PTPRD: variants seen among roughly 807,000 people sequenced by gnomAD.
The protein encoded by PTPRD is receptor-type tyrosine-protein phosphatase delta.
Under a neutral mutation model 214.5 loss-of-function variants are expected in PTPRD, and 34 were observed. The observed-to-expected ratio is 0.16, with a 90% CI of 0.12 to 0.21. The LOEUF is 0.21. PTPRD is among the 10% of genes least tolerant of loss of function. The probability of loss-of-function intolerance (pLI) is 1.00; values close to 1 mark genes in which losing one functional copy is unlikely to be tolerated. For missense variants in PTPRD, 2,545 were observed against 2,398.7 expected (o/e 1.06, Z -1.27); for synonymous variants, 1,128 against 845.7 (o/e 1.33, Z -5.79).
At chr9:10,249,960 T>C (rs1180703935) in intron 3 of PTPRD, among the ~76,000 whole-genome samples, 1 of 152,180 alleles carries the variant, frequency 6.6e-6, no homozygotes, top group Admixed American at 6.6e-5. Context: ...CATCTGCCAA[T>C]TAATAAAAAT....
chr9:9,946,211 A>T (rs77294670), intron 4 of PTPRD, among the ~76,000 whole-genome samples: 1 of 152,144 alleles, frequency 6.6e-6, no homozygotes, highest in Non-Finnish European at 1.5e-5. Flanking sequence ...CTTAAACACA[A>T]GCAATTATAC....
At chr9:8,675,336 T>A (rs954277009) in intron 12 of PTPRD, among the ~76,000 whole-genome samples, 1 of 152,026 alleles carries the variant, frequency 6.6e-6, no homozygotes, top group Non-Finnish European at 1.5e-5. Context: ...TTATCACATA[T>A]CCTGCAGAGT....
At chr9:9,825,301 AG>A (rs2052354622) in intron 5 of PTPRD, among the ~76,000 whole-genome samples, 1 of 151,768 alleles carries the variant, frequency 6.6e-6, no homozygotes, top group Admixed American at 6.6e-5. Context: ...ATACATTGGC[AG>A]GTAGGAAGAA....
intron 5 of PTPRD, among the ~76,000 whole-genome samples, chr9:9,871,616 G>A (rs2065460726): frequency 6.7e-6 from 1 of 150,100 alleles, no homozygotes; most frequent in South Asian, 2.1e-4. Context: ...GAAGTGCAGG[G>A]GCAGAGGGTA....
chr9:10,082,439 G>C (rs1567563230), intron 3 of PTPRD, among the ~76,000 whole-genome samples: 2 of 152,050 alleles, frequency 1.3e-5, no homozygotes, highest in Admixed American at 6.6e-5. Flanking sequence ...TATGCTGTAG[G>C]ATGTGGATGT....
chr9:9,237,207 T>C (rs891323808), intron 9 of PTPRD, among the ~76,000 whole-genome samples: 6 of 152,160 alleles, frequency 3.9e-5, no homozygotes, highest in African/African-American at 1.4e-4. Context: ...GATAATACAA[T>C]TGGATAGATG....
chr9:8,983,080 T>G (rs2099321722), intron 11 of PTPRD, among the ~76,000 whole-genome samples: 2 of 152,118 alleles, frequency 1.3e-5, no homozygotes, highest in Non-Finnish European at 2.9e-5. Flanking sequence ...ACTTTTTCTT[T>G]TTTTCATAAA....
chr9:9,068,532 T>G (rs1357064459), intron 10 of PTPRD, among the ~76,000 whole-genome samples: 3 of 152,212 alleles, frequency 2.0e-5, no homozygotes, highest in Non-Finnish European at 2.9e-5. Context: ...TAACTGCTTT[T>G]GTGTCACTTT....
At chr9:8,322,500 A>G (rs993487117) in intron 44 of PTPRD, among the ~76,000 whole-genome samples, 2 of 152,176 alleles carry the variant, frequency 1.3e-5, no homozygotes, top group African/African-American at 2.4e-5. Context: ...ACATTCCCTT[A>G]AATCAAAGCC....
intron 11 of PTPRD, among the ~76,000 whole-genome samples, chr9:9,006,220 T>C (rs201978993): frequency 6.8e-6 from 1 of 148,006 alleles, no homozygotes; most frequent in Non-Finnish European, 1.5e-5. Flanking sequence ...ATGTGATTTT[T>C]CAACATTAAA....
chr9:8,713,445 G>A (rs1368955608), intron 12 of PTPRD: 10 of 1,102,564 alleles, frequency 9.1e-6, no homozygotes, highest in South Asian at 2.5e-5. Context: ...CCCGCTTCTG[G>A]TACTTCGTAT....
At chr9:10,239,211 T>A (rs1031225741) in intron 3 of PTPRD, among the ~76,000 whole-genome samples, 1 of 151,978 alleles carries the variant, frequency 6.6e-6, no homozygotes, top group Non-Finnish European at 1.5e-5. Context: ...TTGTTTTCCA[T>A]CAGGCAAAGT....
chr9:8,966,420 GAA>G (rs912429890), intron 11 of PTPRD, among the ~76,000 whole-genome samples: 5 of 145,186 alleles, frequency 3.4e-5, no homozygotes, highest in African/African-American at 1.3e-4. Context: ...CAGTGGAAGA[GAA>G]AAAAAAAAGC....
Position 10,437,082 on chromosome 9 carries a change from A to G in PTPRD, c.-599-96065T>C, listed in dbSNP as rs569018267. ...GCACAACAACTTGACCTAATTTTAC[A>G]ATTCCCCGTGTTTCCCTGAAGAATG... is the stretch of plus-strand genomic sequence containing the variant. On this transcript the variant is annotated intron_variant, in intron 2 of 45. Coordinates refer to ENST00000381196, the MANE Select transcript of PTPRD (RefSeq NM_002839.4). Among the ~76,000 whole-genome samples the G allele has an allele frequency of 5.9e-5, 9 of 151,824 alleles. No homozygotes were observed. The East Asian group carries it at 1.8e-3, about 30-fold the overall frequency.
intron 10 of PTPRD, among the ~76,000 whole-genome samples, chr9:9,157,790 C>T (rs753823717): frequency 5.9e-5 from 9 of 152,098 alleles, no homozygotes; most frequent in East Asian, 3.9e-4. Context: ...ACGTGTGCCA[C>T]GGTGGTTTAC....
intron 11 of PTPRD, among the ~76,000 whole-genome samples, chr9:8,976,531 C>T (rs1175156370): frequency 6.6e-6 from 1 of 152,038 alleles, no homozygotes; most frequent in Non-Finnish European, 1.5e-5. Flanking sequence ...ACAGCCAATA[C>T]AAGTATTTGT....
chr9:9,528,539 A>C (rs1317058715), intron 8 of PTPRD, among the ~76,000 whole-genome samples: 2 of 152,202 alleles, frequency 1.3e-5, no homozygotes, highest in Non-Finnish European at 2.9e-5. Context: ...AAAAGTAGAG[A>C]ACAAAATACT....
intron 11 of PTPRD, among the ~76,000 whole-genome samples, chr9:8,989,994 A>G (rs1197048915): frequency 1.3e-5 from 2 of 152,208 alleles, no homozygotes; most frequent in African/African-American, 2.4e-5. Flanking sequence ...AAAATGAACT[A>G]TCATAAAACC....
intron 5 of PTPRD, among the ~76,000 whole-genome samples, chr9:9,874,949 T>C (rs2066444424): frequency 6.6e-6 from 1 of 152,166 alleles, no homozygotes; most frequent in Non-Finnish European, 1.5e-5. Context: ...ATAGATTACC[T>C]TAAAATTTCT....
Sources: allele counts gnomAD v4.1 joint callset (sites outside exome capture counted in the v4.1 genomes callset), GRCh38; gene constraint gnomAD v4.1.1; transcripts MANE v1.5; gene names NCBI Gene and HGNC (gene_info 2026-07-23, HGNC 2026-07-21).